PTPRO: variants seen among roughly 807,000 people sequenced by gnomAD.
The protein encoded by PTPRO is protein tyrosine phosphatase receptor type O, also known as receptor-type tyrosine-protein phosphatase O.
Under a neutral mutation model 145.2 loss-of-function variants are expected in PTPRO, and 62 were observed. The ratio of observed to expected loss-of-function variants is 0.43; its 90% CI spans 0.35 to 0.53. The LOEUF is 0.53. Among genes scored for constraint, PTPRO ranks in the 20% least tolerant of loss-of-function variants. The probability of loss-of-function intolerance (pLI) is 0.01; values close to 1 mark genes in which losing one functional copy is unlikely to be tolerated. For synonymous variants in PTPRO, 565 were observed against 514.7 expected (o/e 1.10, Z -1.32); for missense variants, 1,345 against 1,482.7 (o/e 0.91, Z 1.53).
intron 17 of PTPRO, among the ~76,000 whole-genome samples, chr12:15,562,633 C>T (rs373000966): frequency 6.6e-6 from 1 of 152,032 alleles, no homozygotes; most frequent in East Asian, 1.9e-4. Context: ...AGGTTGGTCT[C>T]AGGATTGTGT....
intron 7 of PTPRO, among the ~76,000 whole-genome samples, chr12:15,513,006 A>T (rs1942473098): frequency 6.6e-6 from 1 of 151,420 alleles, no homozygotes. Flanking sequence ...TGTCTCAAAA[A>T]GAAAGAAAAG....
At chr12:15,401,821 A>G (rs1040235942) in intron 1 of PTPRO, among the ~76,000 whole-genome samples, 1 of 152,188 alleles carries the variant, frequency 6.6e-6, no homozygotes, top group Non-Finnish European at 1.5e-5. Flanking sequence ...ATTTTGCCTG[A>G]ACATTCAATT....
At chr12:15,480,339 T>C (rs1941752238) in intron 1 of PTPRO, among the ~76,000 whole-genome samples, 1 of 152,232 alleles carries the variant, frequency 6.6e-6, no homozygotes, top group South Asian at 2.1e-4. Context: ...TTGAATATTG[T>C]GAGTATTATG....
intron 1 of PTPRO, among the ~76,000 whole-genome samples, chr12:15,328,222 G>T (rs1866502389): frequency 6.6e-6 from 1 of 151,664 alleles, no homozygotes; most frequent in African/African-American, 2.4e-5. Flanking sequence ...CTTGTTCTAG[G>T]TCTTCAGAAC....
intron 1 of PTPRO, among the ~76,000 whole-genome samples, chr12:15,465,820 TA>T (rs1941402908): frequency 6.6e-6 from 1 of 152,154 alleles, no homozygotes; most frequent in Non-Finnish European, 1.5e-5. Context: ...AGATGGATGG[TA>T]AATAGGGGAC....
chr12:15,444,744 A>C (rs944692837), intron 1 of PTPRO, among the ~76,000 whole-genome samples: 1 of 152,104 alleles, frequency 6.6e-6, no homozygotes, highest in Admixed American at 6.6e-5. Context: ...TCTATAAACC[A>C]TCATGCACCA....
chr12:15,490,699 G>A (rs919418959), intron 2 of PTPRO, among the ~76,000 whole-genome samples: 3 of 152,148 alleles, frequency 2.0e-5, no homozygotes, highest in Non-Finnish European at 2.9e-5. Flanking sequence ...TATAAAGTAA[G>A]CGCCTTAACA....
chr12:15,445,857 A>G (rs1036326372), intron 1 of PTPRO, among the ~76,000 whole-genome samples: 3 of 152,120 alleles, frequency 2.0e-5, no homozygotes, highest in Admixed American at 2.0e-4. Context: ...ACATGTCTGG[A>G]ACAAAACTCA....
Position 15,467,051 on chromosome 12 carries a change from G to A in PTPRO, c.76-16923G>A, listed in dbSNP as rs566621212. 2.6e-5 allele frequency among the ~76,000 whole-genome samples: 4 copies of A among 152,262 alleles called. No homozygotes were observed. The South Asian group carries it at 6.2e-4, about 24-fold the overall frequency. On this transcript the variant is annotated intron_variant, in intron 1 of 26. Transcript: ENST00000281171. ...AGGCTCGACTGCTAATCTGAAAAGT[G>A]CAAATAGTAATATCTACTTCAGGGA...
At chr12:15,351,951 C>T (rs761017306) in intron 1 of PTPRO, among the ~76,000 whole-genome samples, 2 of 152,252 alleles carry the variant, frequency 1.3e-5, no homozygotes, top group South Asian at 2.1e-4. Flanking sequence ...TGTGGATGCT[C>T]TTCACACCAA....
chr12:15,519,654 T>G (rs1343050194), intron 9 of PTPRO, among the ~76,000 whole-genome samples: 1 of 152,180 alleles, frequency 6.6e-6, no homozygotes, highest in Non-Finnish European at 1.5e-5. Flanking sequence ...CATCTACAGA[T>G]CAATTAAATA....
intron 12 of PTPRO, among the ~76,000 whole-genome samples, chr12:15,537,473 G>A (rs143600979): frequency 7.2e-5 from 11 of 152,214 alleles, no homozygotes; most frequent in Middle Eastern, 3.4e-3. Context: ...AAGCCTCAGC[G>A]AGTGGAGATT....
intron 12 of PTPRO, among the ~76,000 whole-genome samples, chr12:15,534,360 T>G (rs1943024814): frequency 6.6e-6 from 1 of 152,188 alleles, no homozygotes; most frequent in African/African-American, 2.4e-5. Context: ...TCTCTGGTAA[T>G]AGAATATCCA....
At chr12:15,526,313 C>T (rs368328594) in intron 12 of PTPRO, 51 bp downstream of exon 12, 894 of 1,605,576 alleles carry the variant, frequency 5.6e-4, no homozygotes, top group Non-Finnish European at 7.4e-4. Context: ...ATGTTTGCAT[C>T]ATTCGATTCA....
At chr12:15,557,300 G>T (rs1402131164) in intron 15 of PTPRO, among the ~76,000 whole-genome samples, 155 bp from the exon 16 acceptor site, 2 of 152,148 alleles carry the variant, frequency 1.3e-5, no homozygotes, top group African/African-American at 2.4e-5. Flanking sequence ...AAAGTACTGG[G>T]ATTACAGGCG....
At chr12:15,464,544 T>G (rs1941374717) in intron 1 of PTPRO, among the ~76,000 whole-genome samples, 1 of 151,734 alleles carries the variant, frequency 6.6e-6, no homozygotes, top group African/African-American at 2.4e-5. Flanking sequence ...TTTTGTATTT[T>G]TAATAGAGGG....
At chr12:15,556,950 T>G (rs552362300) in intron 15 of PTPRO, among the ~76,000 whole-genome samples, 5 of 152,316 alleles carry the variant, frequency 3.3e-5, no homozygotes, top group Admixed American at 6.5e-5. Context: ...TGCAAAAGAT[T>G]ATTTCTTTTC....
rs991474909 is a variant in PTPRO at position 15,594,851 on chromosome 12, A to T, written c.3547-86A>T. The T allele has an allele frequency of 4.2e-6, 4 of 952,614 alleles. No individual in the cohort carries two copies. The African/African-American group carries it at 6.5e-5, about 16-fold the overall frequency. 59.0% of individuals were successfully genotyped at this position (952,614 alleles called of 1,614,324 possible). On this transcript the variant is annotated intron_variant, in intron 25 of 26. Coordinates refer to ENST00000281171, the MANE Select transcript of PTPRO (RefSeq NM_030667.3). ...TGAAAATGGTTTCCTTTAACACCAG[A>T]TCTTGATCATTAAAATTGTCATAGT... is the stretch of plus-strand genomic sequence containing the variant.
intron 1 of PTPRO, among the ~76,000 whole-genome samples, chr12:15,378,858 C>T (rs1938767925): frequency 6.6e-6 from 1 of 151,932 alleles, no homozygotes; most frequent in East Asian, 1.9e-4. Flanking sequence ...AAAAGACAAC[C>T]GTAGACAATG....
Sources: allele counts gnomAD v4.1 joint callset (sites outside exome capture counted in the v4.1 genomes callset), GRCh38; gene constraint gnomAD v4.1.1; transcripts MANE v1.5; gene names NCBI Gene and HGNC (gene_info 2026-07-23, HGNC 2026-07-21).